Variants in ARL15 observed in about 807,000 individuals in gnomAD.
The protein encoded by ARL15 is ARF like GTPase 15, also known as ADP-ribosylation factor-like protein 15.
A neutral mutation model predicts 25.2 loss-of-function variants in ARL15; 19 were observed. The observed-to-expected ratio is 0.75, with a 90% confidence interval of 0.53 to 1.10. The LOEUF (loss-of-function observed/expected upper bound fraction) is 1.10. Ranked by LOEUF, ARL15 falls within the 50% of genes least tolerant of loss-of-function variation. ARL15 has a pLI of 0.00. For missense variants in ARL15, 220 were observed against 246.0 expected, an observed-to-expected ratio of 0.89 and a Z score of 0.71; for synonymous variants, 94 against 86.8, an observed-to-expected ratio of 1.08 and a Z score of -0.46.
At chr5:54,074,100 G>A (rs188210857) in intron 4 of ARL15, among the ~76,000 whole-genome samples, 1 of 152,264 alleles carries the variant, frequency 6.6e-6, no homozygotes, top group East Asian at 1.9e-4. Flanking sequence ...CACCCATTTG[G>A]TAATTTTACT....
chr5:54,101,391 T>G (rs887585511), intron 4 of ARL15, among the ~76,000 whole-genome samples: 22 of 152,108 alleles, frequency 1.4e-4, no homozygotes, highest in African/African-American at 5.1e-4. Flanking sequence ...AATTACAGAT[T>G]CATATTGAGT....
chr5:54,004,819 A>G (rs1016480288), intron 4 of ARL15, among the ~76,000 whole-genome samples: 4 of 151,968 alleles, frequency 2.6e-5, no homozygotes, highest in African/African-American at 9.7e-5. Context: ...AAGAGGGGTT[A>G]TAGCTGAAGT....
intron 1 of ARL15, among the ~76,000 whole-genome samples, chr5:54,177,580 G>A (rs559211717): frequency 1.3e-5 from 2 of 152,174 alleles, no homozygotes; most frequent in African/African-American, 2.4e-5. Context: ...TTCCCCAACA[G>A]TGCCAGACAT....
At chr5:53,942,342 G>T (rs919945702) in intron 4 of ARL15, among the ~76,000 whole-genome samples, 3 of 152,138 alleles carry the variant, frequency 2.0e-5, no homozygotes, top group Admixed American at 6.5e-5. Context: ...ACATACCAGT[G>T]GCACTAGAAG....
chr5:54,064,740 A>G (rs1007665158), intron 4 of ARL15, among the ~76,000 whole-genome samples: 7 of 152,216 alleles, frequency 4.6e-5, no homozygotes, highest in Non-Finnish European at 8.8e-5. Flanking sequence ...TAAAAAAAAA[A>G]AAACATTTAC....
intron 4 of ARL15, among the ~76,000 whole-genome samples, chr5:53,911,043 T>C (rs1175239750): frequency 6.6e-6 from 1 of 152,136 alleles, no homozygotes; most frequent in African/African-American, 2.4e-5. Context: ...CATTCAATTA[T>C]CTCTTTCCTT....
At chr5:54,228,860 C>G (rs879454946) in intron 1 of ARL15, among the ~76,000 whole-genome samples, 23 of 152,252 alleles carry the variant, frequency 1.5e-4, no homozygotes, top group Admixed American at 1.4e-3. Context: ...AGAAGCTGAG[C>G]ATTTTTAAAA....
chr5:54,150,830 T>C (rs1754044434), intron 3 of ARL15, among the ~76,000 whole-genome samples: 1 of 146,820 alleles, frequency 6.8e-6, no homozygotes, highest in South Asian at 2.3e-4. Flanking sequence ...AAAAATGGTG[T>C]TTTACCAACA....
At chr5:54,251,203 C>T (rs1323942835) in intron 1 of ARL15, among the ~76,000 whole-genome samples, 1 of 152,156 alleles carries the variant, frequency 6.6e-6, no homozygotes. Flanking sequence ...ATTACTGGCT[C>T]ACACTTTTTA....
chr5:54,060,524 C>T (rs1316612299), intron 4 of ARL15, among the ~76,000 whole-genome samples: 4 of 152,216 alleles, frequency 2.6e-5, no homozygotes, highest in African/African-American at 7.2e-5. Context: ...CTGCCATCCA[C>T]GTAAGATGTG....
intron 4 of ARL15, among the ~76,000 whole-genome samples, chr5:53,941,108 T>C (rs1053228596): frequency 3.3e-5 from 5 of 152,204 alleles, no homozygotes; most frequent in Admixed American, 6.5e-5. Flanking sequence ...TATTTCACAA[T>C]GTTATTTGTT....
At chr5:53,929,491 T>C (rs1300492984) in intron 4 of ARL15, among the ~76,000 whole-genome samples, 3 of 152,260 alleles carry the variant, frequency 2.0e-5, no homozygotes, top group African/African-American at 7.2e-5. Context: ...ACTACCCATG[T>C]ATGCTAGCAA....
chr5:54,230,477 A>T (rs1311937936), intron 1 of ARL15, among the ~76,000 whole-genome samples: 1 of 152,166 alleles, frequency 6.6e-6, no homozygotes, highest in East Asian at 1.9e-4. Flanking sequence ...CACCAAAGAC[A>T]TGCACCCAGA....
intron 4 of ARL15, among the ~76,000 whole-genome samples, chr5:54,000,560 ATGGCAAATCC>A (rs1273085590): frequency 6.6e-6 from 1 of 152,222 alleles, no homozygotes; most frequent in African/African-American, 2.4e-5. Context: ...AAAACCCTGG[ATGGCAAATCC>A]TGCACTAAAG....
At chr5:54,225,709 C>T (rs749249089) in intron 1 of ARL15, among the ~76,000 whole-genome samples, 11 of 152,008 alleles carry the variant, frequency 7.2e-5, no homozygotes, top group Non-Finnish European at 1.5e-5. Context: ...GGCCCTGAAG[C>T]TGACAAGAGG....
chr5:54,249,672 CAAAAAAA>C (rs11437578), intron 1 of ARL15, among the ~76,000 whole-genome samples: 8 of 72,658 alleles, frequency 1.1e-4, no homozygotes, highest in Admixed American at 3.0e-4. Flanking sequence ...TGGTTAAGAG[CAAAAAAA>C]AAAAAAAAAA....
intron 1 of ARL15, among the ~76,000 whole-genome samples, chr5:54,194,688 G>A (rs1436392547): frequency 1.3e-5 from 2 of 152,312 alleles, no homozygotes; most frequent in East Asian, 1.9e-4. Context: ...GTGAGGAGAG[G>A]AGGGAGGTAA....
intron 4 of ARL15, among the ~76,000 whole-genome samples, chr5:53,956,112 G>A (rs140922171): frequency 1.3e-5 from 2 of 152,150 alleles, no homozygotes; most frequent in African/African-American, 4.8e-5. Context: ...GACCCTGAGA[G>A]ATTTTCTTCC....
intron 4 of ARL15, among the ~76,000 whole-genome samples, chr5:54,074,507 G>C (rs1035660643): frequency 1.3e-5 from 2 of 152,178 alleles, no homozygotes; most frequent in Admixed American, 1.3e-4. Context: ...AAGAGGAAAA[G>C]ATATTTAACT....
Sources: gnomAD v4.1 joint callset for allele counts (sites outside exome capture counted in the v4.1 genomes callset) on GRCh38, gnomAD v4.1.1 for gene constraint, MANE v1.5 for transcripts, NCBI Gene and HGNC (gene_info 2026-07-23, HGNC 2026-07-21) for gene names.